Variants in EHMT1 observed in about 807,000 individuals in gnomAD.
The protein encoded by EHMT1 is euchromatic histone lysine methyltransferase 1, also known as histone-lysine N-methyltransferase EHMT1.
A neutral mutation model predicts 147.2 loss-of-function variants in EHMT1; 15 were observed. That is an observed-to-expected ratio of 0.10 (90% CI 0.07 to 0.16). The LOEUF (loss-of-function observed/expected upper bound fraction) is 0.16, where lower values mean the gene tolerates loss of function less well. EHMT1 is among the 10% of genes least tolerant of loss of function. The pLI is 1.00. For synonymous variants in EHMT1, 795 were observed against 709.6 expected (o/e 1.12, Z -1.91); for missense variants, 1,587 against 1,772.4 (o/e 0.90, Z 1.88).
chr9:137,720,255 C>T (rs1454831997), intron 3 of EHMT1, among the ~76,000 whole-genome samples: 1 of 152,204 alleles, frequency 6.6e-6, no homozygotes, highest in African/African-American at 2.4e-5. Context: ...ACCAACCAGA[C>T]CTGAACCTGT....
In EHMT1 at chr9:137,656,723, C is replaced by A. The variant is rs180781396; in HGVS notation, c.21+37674C>A. Among the ~76,000 whole-genome samples the A allele has an allele frequency of 6.9e-4, 105 of 152,032 alleles. No individual in the cohort carries two copies. In the East Asian group the frequency reaches 0.018, roughly 26 times the overall value. On this transcript the variant is annotated intron_variant, in intron 1 of 26. Coordinates refer to ENST00000460843, the MANE Select transcript of EHMT1 (RefSeq NM_024757.5). ...TTCTCACCCACAGCTGGATGCCCTT[C>A]CTTTTTTTTTTTAATTTTAATTTTA...
intron 25 of EHMT1, among the ~76,000 whole-genome samples, chr9:137,831,643 G>A (rs1378383054): frequency 6.6e-6 from 1 of 152,342 alleles, no homozygotes; most frequent in Non-Finnish European, 1.5e-5. Context: ...CTTCATTGAG[G>A]ACAGCCTTAG....
At chr9:137,811,060 C>T (rs1191560901) in intron 18 of EHMT1, among the ~76,000 whole-genome samples, 1 of 152,020 alleles carries the variant, frequency 6.6e-6, no homozygotes, top group African/African-American at 2.4e-5. Context: ...AAAGCATTAT[C>T]CTATCCTATG....
At chr9:137,660,060 G>A (rs918358385) in intron 1 of EHMT1, among the ~76,000 whole-genome samples, 2 of 151,702 alleles carry the variant, frequency 1.3e-5, no homozygotes, top group East Asian at 1.9e-4. Context: ...TTCATGTGCC[G>A]GTGTGGTGGC....
In EHMT1 at chr9:137,813,237, G is replaced by A. The variant is rs576535586; in HGVS notation, c.3035+64G>A. ...GGTCAGCAGGGCTTTGGGAACTTGCGGTGAAAGCTGCTCCTGAAGCCGAAA... is the reference window on the plus strand; with the variant it reads ...GGTCAGCAGGGCTTTGGGAACTTGCAGTGAAAGCTGCTCCTGAAGCCGAAA... On this transcript the variant is annotated intron_variant, in intron 20 of 26. Transcript: ENST00000460843. This position sits in a 1 kb window ranked among gnomAD's most constrained non-coding sequence, Gnocchi z 4.9. The A allele has an allele frequency of 4.7e-5, 74 of 1,584,302 alleles. No individual in the cohort carries two copies. The East Asian group carries it at 7.7e-4, about 16-fold the overall frequency.
intron 1 of EHMT1, among the ~76,000 whole-genome samples, chr9:137,695,529 C>T (rs183207673): frequency 6.6e-6 from 1 of 152,244 alleles, no homozygotes; most frequent in Non-Finnish European, 1.5e-5. Flanking sequence ...GGAATTCAGA[C>T]GGCACAGAGG....
chr9:137,634,660 G>T (rs1442345644), intron 1 of EHMT1, among the ~76,000 whole-genome samples: 9 of 133,788 alleles, frequency 6.7e-5, no homozygotes, highest in African/African-American at 2.6e-4. Context: ...TGGGTCCCTT[G>T]CTTGCTTGCT....
At chr9:137,646,325 C>G (rs1844879443) in intron 1 of EHMT1, 1 of 984,678 alleles carries the variant, frequency 1.0e-6, no homozygotes. Context: ...TCCTGTCTTT[C>G]TGTGGGACAG....
intron 9 of EHMT1, among the ~76,000 whole-genome samples, chr9:137,761,700 G>T (rs983606733): frequency 3.3e-5 from 5 of 151,982 alleles, no homozygotes; most frequent in Non-Finnish European, 7.4e-5. Flanking sequence ...CTCGTGATCT[G>T]CCCGCCTTGG....
intron 1 of EHMT1, among the ~76,000 whole-genome samples, chr9:137,697,848 C>A (rs1185285618): frequency 6.6e-6 from 1 of 152,234 alleles, no homozygotes; most frequent in Non-Finnish European, 1.5e-5. Flanking sequence ...ATGATTCTAT[C>A]CATACAGCTC....
At chr9:137,784,252 G>C in intron 15 of EHMT1, 1 of 1,521,940 alleles carries the variant, frequency 6.6e-7, no homozygotes, top group Non-Finnish European at 8.9e-7. Flanking sequence ...CGCCCACAGG[G>C]AGCAGGTCCA....
chr9:137,833,240 CT>C (rs1471168183), intron 25 of EHMT1, among the ~76,000 whole-genome samples: 3 of 152,228 alleles, frequency 2.0e-5, no homozygotes, highest in African/African-American at 7.2e-5. Context: ...CCTCTCGGAA[CT>C]CGGTCCTGGA....
rs897337484 is a variant in EHMT1 at position 137,768,857 on chromosome 9, T to C, written c.1647+6037T>C. Among the ~76,000 whole-genome samples the C allele has an allele frequency of 3.3e-5, 5 of 152,092 alleles. No homozygotes were observed. The East Asian group carries it at 9.7e-4, about 29-fold the overall frequency. ...GAGCCACCGCGCCCAGCCTAATTTT[T>C]TGTATTTTTAGTAGAGACGGGGTTT... is the stretch of plus-strand genomic sequence containing the variant. On this transcript the variant is annotated intron_variant, in intron 10 of 26. Coordinates refer to ENST00000460843, the MANE Select transcript of EHMT1 (RefSeq NM_024757.5).
In EHMT1 at chr9:137,774,992, C is replaced by CA. The variant is rs1415191555; in HGVS notation, c.1648-116dup. 4 of 1,472,798 alleles carry CA rather than the reference C, an allele frequency of 2.7e-6. No individual in the cohort carries two copies. The African/African-American group carries it at 5.6e-5, about 20-fold the overall frequency. The allele number at this position is 1,472,798 out of a possible 1,614,324, so 91.2% of individuals were successfully genotyped here. A position where few individuals can be genotyped will look rare whatever the true frequency, so the allele number is the denominator to read the frequency against. Reference sequence around the variant, plus strand: ...CAAGCTGGCCTTGCAGGGCTCGGCTCAGTCAGCCCACACCTGCTGAGCAGC... The same window carrying CA: ...CAAGCTGGCCTTGCAGGGCTCGGCTCAAGTCAGCCCACACCTGCTGAGCAGC... On this transcript the variant is annotated intron_variant, in intron 10 of 26. Transcript: ENST00000460843.
intron 1 of EHMT1, among the ~76,000 whole-genome samples, chr9:137,669,429 AGAC>A (rs1564562862): frequency 1.6e-5 from 2 of 121,862 alleles, no homozygotes; most frequent in African/African-American, 6.3e-5. Context: ...ACTGCACCCA[AGAC>A]GCCGCCCACA....
chr9:137,780,850 C>T (rs1280174676), intron 14 of EHMT1, among the ~76,000 whole-genome samples: 1 of 88,264 alleles, frequency 1.1e-5, no homozygotes, highest in Admixed American at 1.0e-4. Flanking sequence ...GTGGTGATGA[C>T]GCCGAGACGT....
intron 1 of EHMT1, chr9:137,697,060 C>A (rs1053057881): frequency 9.3e-6 from 3 of 321,670 alleles, no homozygotes; most frequent in South Asian, 6.7e-5. Flanking sequence ...GCGGGCGGAT[C>A]GCTTGAGGTC....
intron 1 of EHMT1, among the ~76,000 whole-genome samples, chr9:137,701,118 A>G (rs1943786135): frequency 6.6e-6 from 1 of 152,124 alleles, no homozygotes; most frequent in Non-Finnish European, 1.5e-5. Context: ...GAGAACAGCA[A>G]GGGGAACGTC....
chr9:137,760,377 G>C (rs1414734933), intron 9 of EHMT1, among the ~76,000 whole-genome samples: 1 of 152,214 alleles, frequency 6.6e-6, no homozygotes, highest in African/African-American at 2.4e-5. Context: ...TGTGGGGTTT[G>C]TGTGTGTTTT....
Sources: allele counts gnomAD v4.1 joint callset (sites outside exome capture counted in the v4.1 genomes callset), GRCh38; gene constraint gnomAD v4.1.1; non-coding constraint Gnocchi (gnomAD v3.1); transcripts MANE v1.5; gene names NCBI Gene and HGNC (gene_info 2026-07-23, HGNC 2026-07-21).